The following SEC24D variants were observed in gnomAD, a reference collection of about 807,000 sequenced individuals.
The protein encoded by SEC24D is protein transport protein Sec24D.
A neutral mutation model predicts 116.9 loss-of-function variants in SEC24D; 69 were observed. The observed-to-expected ratio is 0.59, with a 90% CI of 0.49 to 0.72. The LOEUF (loss-of-function observed/expected upper bound fraction) is 0.72. Ranked by LOEUF, SEC24D falls within the 30% of genes least tolerant of loss-of-function variation. SEC24D has a pLI of 0.00. For synonymous variants in SEC24D, 405 were observed against 442.8 expected (o/e 0.91, Z 1.07); for missense variants, 1,131 against 1,264.1 (o/e 0.89, Z 1.60).
intron 22 of SEC24D, among the ~76,000 whole-genome samples, chr4:118,724,170 T>C (rs1725288945): frequency 6.6e-6 from 1 of 151,918 alleles, no homozygotes; most frequent in African/African-American, 2.4e-5. Flanking sequence ...TGAGGGACAC[T>C]AGATAGGAAG....
chr4:118,769,281 A>G (rs375947684), intron 8 of SEC24D, among the ~76,000 whole-genome samples: 8 of 152,336 alleles, frequency 5.3e-5, no homozygotes, highest in Admixed American at 4.6e-4. Context: ...AAACATACAT[A>G]GAAAGCATGA....
At chr4:118,729,622 G>A (rs1218762431) in intron 21 of SEC24D, 1 of 152,214 alleles carries the variant, frequency 6.6e-6, no homozygotes, top group African/African-American at 2.4e-5. Context: ...GTGGTCTACA[G>A]GCCAATCCAG....
intron 8 of SEC24D, 37 bp from the exon 9 acceptor site, chr4:118,768,348 G>A (rs975277818): frequency 3.3e-6 from 5 of 1,508,008 alleles, no homozygotes; most frequent in Non-Finnish European, 3.6e-6. Flanking sequence ...GAACAGGTGA[G>A]TATAGGATTT....
intron 22 of SEC24D, among the ~76,000 whole-genome samples, chr4:118,724,187 G>A (rs1441487784): frequency 6.6e-6 from 1 of 152,116 alleles, no homozygotes; most frequent in Non-Finnish European, 1.5e-5. Context: ...GAAGTGGTTT[G>A]AAGTGTCTGG....
At chr4:118,817,920 G>A (rs1167638808) in intron 3 of SEC24D, among the ~76,000 whole-genome samples, 3 of 152,034 alleles carry the variant, frequency 2.0e-5, no homozygotes, top group Admixed American at 6.6e-5. Flanking sequence ...CAGGAGTGGT[G>A]GCGCTACTTG....
chr4:118,743,418 C>T (rs200595237), intron 15 of SEC24D, among the ~76,000 whole-genome samples: 1 of 151,996 alleles, frequency 6.6e-6, no homozygotes, highest in Non-Finnish European at 1.5e-5. Flanking sequence ...GATCCAGAAC[C>T]TCCCACAGAT....
intron 11 of SEC24D, 35 bp downstream of exon 11, chr4:118,757,686 T>C (rs778674053): frequency 1.3e-6 from 2 of 1,587,916 alleles, no homozygotes; most frequent in Non-Finnish European, 1.7e-6. Context: ...TAGGCAATAA[T>C]GTATAAGTTG....
intron 8 of SEC24D, among the ~76,000 whole-genome samples, chr4:118,771,075 C>T (rs930461269): frequency 6.6e-6 from 1 of 152,144 alleles, no homozygotes; most frequent in Non-Finnish European, 1.5e-5. Context: ...TTTCCCTTTG[C>T]ACTCTCCAGA....
At chr4:118,738,710 C>T (rs903102523) in intron 18 of SEC24D, among the ~76,000 whole-genome samples, 5 of 152,268 alleles carry the variant, frequency 3.3e-5, no homozygotes, top group Middle Eastern at 6.8e-3. Context: ...CTACCTTTTC[C>T]AAACTTTAGT....
At chr4:118,801,500 G>A (rs575563454) in intron 7 of SEC24D, among the ~76,000 whole-genome samples, 81 of 152,218 alleles carry the variant, frequency 5.3e-4, no homozygotes, top group African/African-American at 1.9e-3. Context: ...ATGTAAGTAT[G>A]CTTGAATGCT....
At chr4:118,834,787 A>G (rs1731019828) in intron 1 of SEC24D, among the ~76,000 whole-genome samples, 1 of 152,152 alleles carries the variant, frequency 6.6e-6, no homozygotes, top group South Asian at 2.1e-4. Context: ...TGCCCCATAC[A>G]AGCATATTCT....
intron 2 of SEC24D, chr4:118,825,709 C>T (rs767504471): frequency 1.2e-5 from 5 of 406,170 alleles, no homozygotes; most frequent in East Asian, 7.0e-5. Context: ...AGAAAAACTT[C>T]AGTTCTTCTA....
At chr4:118,776,216 A>T (rs546598146) in intron 8 of SEC24D, among the ~76,000 whole-genome samples, 1 of 152,254 alleles carries the variant, frequency 6.6e-6, no homozygotes, top group African/African-American at 2.4e-5. Flanking sequence ...ATCACAGAAG[A>T]TCTGGGTGTG....
chr4:118,796,215 A>G (rs1729172981), intron 8 of SEC24D, among the ~76,000 whole-genome samples: 1 of 152,222 alleles, frequency 6.6e-6, no homozygotes. Context: ...AATGTTGAAA[A>G]TAGCTTTGAA....
At position 118,835,995 on chromosome 4, in the gene SEC24D, G is replaced by A. The variant is rs1328157569; in HGVS notation, c.-96C>T. On this transcript the variant is annotated 5_prime_UTR_variant, in exon 1 of 23. Coordinates refer to ENST00000280551, the MANE Select transcript of SEC24D (RefSeq NM_014822.4). Reference sequence around the variant, plus strand: ...CCGAGCGCTGGCGGCTCTGCGCCTAGTGCCGGCAGCCCTCGGTGGCCGGGC... The same window carrying A: ...CCGAGCGCTGGCGGCTCTGCGCCTAATGCCGGCAGCCCTCGGTGGCCGGGC... The A allele has an allele frequency of 6.6e-6, 1 of 152,256 alleles. No homozygotes were observed. The highest frequency in any genetic ancestry group is 1.5e-5 in the Non-Finnish European group (1 of 68,110). The allele number at this position is 152,256 out of a possible 1,614,324, so 9.4% of individuals were successfully genotyped here.
chr4:118,815,139 C>G lies in SEC24D; in HGVS notation c.690G>C (p.Gln230His). 2 of 1,614,128 alleles carry G rather than the reference C, an allele frequency of 1.2e-6. No individual in the cohort carries two copies. The highest frequency in any genetic ancestry group is 1.7e-6 in the Non-Finnish European group (2 of 1,180,014). ...YPPQQANSGPQMAGAQLSYPG... is the reference protein window; with the variant it reads ...YPPQQANSGPHMAGAQLSYPG... Reference sequence around the variant, plus strand: ...GGTAAGACAGTTGTGCGCCTGCCATCTGGGGACCAGAGTTGGCTGCTTGGA... The same window carrying G: ...GGTAAGACAGTTGTGCGCCTGCCATGTGGGGACCAGAGTTGGCTGCTTGGA... Residue 230 changes from glutamine to histidine, a missense_variant, in exon 6 of 23, where the codon CAG (glutamine) becomes CAC (histidine). By Grantham distance (24) the Gln-to-His change is conservative (BLOSUM62 0). Coordinates refer to ENST00000280551, the MANE Select transcript of SEC24D (RefSeq NM_014822.4).
chr4:118,824,761 G>C lies in SEC24D; in HGVS notation c.119-12C>G. ...TGGCTTCATCATACCTGCAAGAGAG[G>C]GGCATGAATTTAGAAGTGTATTAAA... On this transcript the variant is annotated splice_polypyrimidine_tract_variant and intron_variant, in intron 2 of 22. Transcript: ENST00000280551. 2 of 1,569,952 alleles carry C rather than the reference G, an allele frequency of 1.3e-6. No homozygotes were observed. Among genetic ancestry groups the C allele is most frequent in the South Asian group, 1.2e-5 (1 of 84,472 alleles).
intron 2 of SEC24D, among the ~76,000 whole-genome samples, chr4:118,826,259 A>G (rs1730588389): frequency 6.6e-6 from 1 of 152,206 alleles, no homozygotes; most frequent in African/African-American, 2.4e-5. Flanking sequence ...GTCACAGACA[A>G]GTTTGAATTT....
At chr4:118,752,357 C>T (rs991518421) in intron 12 of SEC24D, among the ~76,000 whole-genome samples, 1 of 152,150 alleles carries the variant, frequency 6.6e-6, no homozygotes, top group Admixed American at 6.5e-5. Context: ...ATTCTTGGAA[C>T]AGTGGCTACA....
Sources: gnomAD v4.1 joint callset for allele counts (sites outside exome capture counted in the v4.1 genomes callset) on GRCh38, gnomAD v4.1.1 for gene constraint, MANE v1.5 for transcripts, NCBI Gene and HGNC (gene_info 2026-07-23, HGNC 2026-07-21) for gene names.